The following CLSTN2 variants were observed in gnomAD, a reference collection of about 807,000 sequenced individuals.
The protein encoded by CLSTN2 is calsyntenin-2.
A neutral mutation model predicts 101.2 loss-of-function variants in CLSTN2; 48 were observed. That is an observed-to-expected ratio of 0.47 (90% confidence interval 0.38 to 0.60). CLSTN2 has a LOEUF of 0.60. Ranked by LOEUF, CLSTN2 falls within the 20% of genes least tolerant of loss-of-function variation. The pLI, the probability that CLSTN2 is intolerant of heterozygous loss-of-function variation, is 0.00. For synonymous variants in CLSTN2, 481 were observed against 463.6 expected (o/e 1.04, Z -0.48); for missense variants, 1,160 against 1,238.2 (o/e 0.94, Z 0.95).
At chr3:140,033,467 C>T (rs1205307618) in intron 1 of CLSTN2, among the ~76,000 whole-genome samples, 1 of 152,170 alleles carries the variant, frequency 6.6e-6, no homozygotes, top group Non-Finnish European at 1.5e-5. Context: ...TACCTTTAGC[C>T]AGATGTCCTC....
chr3:139,948,409 G>C (rs1935244827), intron 1 of CLSTN2, among the ~76,000 whole-genome samples: 1 of 151,794 alleles, frequency 6.6e-6, no homozygotes, highest in African/African-American at 2.4e-5. Flanking sequence ...AGGTTGCAGT[G>C]AGCCAAGATA....
chr3:140,479,293 C>A (rs1934061041), intron 8 of CLSTN2, among the ~76,000 whole-genome samples: 1 of 152,098 alleles, frequency 6.6e-6, no homozygotes, highest in Non-Finnish European at 1.5e-5. Context: ...TGGCCCAGGA[C>A]TAAGGGTAAA....
At chr3:140,087,196 T>C (rs188479021) in intron 1 of CLSTN2, among the ~76,000 whole-genome samples, 3 of 152,212 alleles carry the variant, frequency 2.0e-5, no homozygotes, top group Admixed American at 2.0e-4. Context: ...ATTGTAGTTG[T>C]GTTGTGTCCA....
intron 1 of CLSTN2, among the ~76,000 whole-genome samples, chr3:140,084,277 G>T (rs1391220037): frequency 6.6e-6 from 1 of 152,086 alleles, no homozygotes; most frequent in Non-Finnish European, 1.5e-5. Context: ...CAGATATGAG[G>T]CCAGGATTCA....
At chr3:140,242,531 G>A (rs1225108330) in intron 2 of CLSTN2, among the ~76,000 whole-genome samples, 2 of 152,116 alleles carry the variant, frequency 1.3e-5, no homozygotes, top group Non-Finnish European at 2.9e-5. Flanking sequence ...GCCCAAGGAA[G>A]TTAACATTTT....
chr3:140,127,951 T>C (rs1464791386), intron 1 of CLSTN2, among the ~76,000 whole-genome samples: 2 of 152,146 alleles, frequency 1.3e-5, no homozygotes, highest in Non-Finnish European at 2.9e-5. Flanking sequence ...TAAATAATCA[T>C]AGTAATAATA....
At chr3:140,236,964 A>G (rs1251527893) in intron 2 of CLSTN2, among the ~76,000 whole-genome samples, 4 of 151,354 alleles carry the variant, frequency 2.6e-5, no homozygotes, top group East Asian at 3.9e-4. Context: ...TTATCTATTA[A>G]TTACATTATC....
At chr3:140,139,547 A>C (rs1560106814) in intron 1 of CLSTN2, among the ~76,000 whole-genome samples, 1 of 152,140 alleles carries the variant, frequency 6.6e-6, no homozygotes, top group Non-Finnish European at 1.5e-5. Flanking sequence ...AGAGGTGCTG[A>C]TGTCATCTGA....
At chr3:140,207,643 G>A (rs761348735) in intron 2 of CLSTN2, among the ~76,000 whole-genome samples, 1 of 152,200 alleles carries the variant, frequency 6.6e-6, no homozygotes, top group African/African-American at 2.4e-5. Context: ...AGGGTAAATA[G>A]AATATCCTGT....
intron 2 of CLSTN2, among the ~76,000 whole-genome samples, chr3:140,236,389 T>A (rs1002923394): frequency 6.6e-6 from 1 of 152,178 alleles, no homozygotes; most frequent in Admixed American, 6.5e-5. Context: ...TAATTTGCCT[T>A]TTTATGGCTA....
intron 1 of CLSTN2, among the ~76,000 whole-genome samples, chr3:140,092,024 G>A (rs1024553870): frequency 6.6e-6 from 1 of 152,156 alleles, no homozygotes; most frequent in African/African-American, 2.4e-5. Flanking sequence ...ACAGAGAGCA[G>A]GTCCTGGGAT....
intron 1 of CLSTN2, among the ~76,000 whole-genome samples, chr3:140,033,698 G>A (rs949423375): frequency 6.6e-6 from 1 of 152,210 alleles, no homozygotes; most frequent in Non-Finnish European, 1.5e-5. Flanking sequence ...CTGGCTCTCA[G>A]GGAGGCTAGG....
chr3:140,195,541 A>G (rs1469878688), intron 2 of CLSTN2, among the ~76,000 whole-genome samples: 1 of 152,106 alleles, frequency 6.6e-6, no homozygotes, highest in African/African-American at 2.4e-5. Flanking sequence ...AAGAATGGTT[A>G]TGAGAAAAAA....
intron 6 of CLSTN2, chr3:140,450,057 A>G (rs918756651): frequency 6.6e-5 from 10 of 152,238 alleles, no homozygotes; most frequent in African/African-American, 2.4e-4. Flanking sequence ...AAAGGTGGAT[A>G]TGGAGGAAAG....
chr3:140,421,664 C>T (rs114211963), intron 5 of CLSTN2, among the ~76,000 whole-genome samples: 1 of 152,142 alleles, frequency 6.6e-6, no homozygotes, highest in South Asian at 2.1e-4. Flanking sequence ...TGGGGAAAGT[C>T]GCCATGTTCT....
intron 2 of CLSTN2, among the ~76,000 whole-genome samples, chr3:140,395,247 C>G (rs985958215): frequency 1.3e-5 from 2 of 152,030 alleles, no homozygotes; most frequent in African/African-American, 4.8e-5. Flanking sequence ...GAAAACTGCC[C>G]CCTCCCCCTG....
chr3:140,095,591 G>A (rs2008856413), intron 1 of CLSTN2, among the ~76,000 whole-genome samples: 1 of 152,162 alleles, frequency 6.6e-6, no homozygotes, highest in Non-Finnish European at 1.5e-5. Flanking sequence ...ATTTGGATCA[G>A]GCTTTGGCAT....
intron 2 of CLSTN2, among the ~76,000 whole-genome samples, chr3:140,251,665 T>C (rs980425614): frequency 1.4e-5 from 2 of 138,718 alleles, no homozygotes; most frequent in African/African-American, 5.5e-5. Flanking sequence ...CCTTCCCTTT[T>C]TCCTTCCTTG....
At chr3:140,111,327 C>A (rs112516351) in intron 1 of CLSTN2, among the ~76,000 whole-genome samples, 1,904 of 152,278 alleles carry the variant, frequency 0.013, 40 homozygotes, top group African/African-American at 0.042. Flanking sequence ...TGAGTCCATG[C>A]TGAAGACTTC....
Sources: allele counts gnomAD v4.1 joint callset (sites outside exome capture counted in the v4.1 genomes callset), GRCh38; gene constraint gnomAD v4.1.1; transcripts MANE v1.5; gene names NCBI Gene and HGNC (gene_info 2026-07-23, HGNC 2026-07-21).